Variants in SLIT3 observed in about 807,000 individuals in gnomAD.
The protein encoded by SLIT3 is slit guidance ligand 3, also known as slit homolog 3 protein.
SLIT3 carries 68 observed loss-of-function variants against 184.0 expected under a neutral mutation model. The ratio of observed to expected loss-of-function variants is 0.37; its 90% confidence interval spans 0.30 to 0.45. The LOEUF (loss-of-function observed/expected upper bound fraction) is 0.45. SLIT3 is among the 20% of genes least tolerant of loss of function. The pLI, the probability that SLIT3 is intolerant of heterozygous loss-of-function variation, is 1.00. For missense variants in SLIT3, 1,707 were observed against 2,026.0 expected, an observed-to-expected ratio of 0.84 and a Z score of 3.02; for synonymous variants, 831 against 828.6, an observed-to-expected ratio of 1.00 and a Z score of -0.05.
intron 12 of SLIT3, 87 bp downstream of exon 12, chr5:168,785,820 G>T (rs1170670437): frequency 2.1e-6 from 2 of 936,668 alleles, no homozygotes; most frequent in Non-Finnish European, 3.4e-6. Flanking sequence ...AAAGTCAAAA[G>T]AACTCTCCAG....
In SLIT3 at chr5:168,673,347, G is replaced by A; in HGVS notation, c.3687-16C>T. The A allele has an allele frequency of 2.5e-6, 4 of 1,613,758 alleles. No homozygotes were observed. Among genetic ancestry groups the A allele is most frequent in the Non-Finnish European group, 3.4e-6 (4 of 1,179,690 alleles). ...TGTCTCCACACTGGCCAGTAGAGAA[G>A]GGGAGAAAGCCGGAGAGTTCACTAA... On this transcript the variant is annotated splice_polypyrimidine_tract_variant and intron_variant, in intron 32 of 35. Transcript: ENST00000519560.
At chr5:168,883,446 G>C in intron 4 of SLIT3, 110 bp from the exon 5 acceptor site, 1 of 800,916 alleles carries the variant, frequency 1.2e-6, no homozygotes, top group East Asian at 2.6e-5. Flanking sequence ...TCTGCGGTCA[G>C]AGTGTATGGC....
chr5:168,800,258 T>C (rs1012886541), intron 9 of SLIT3, among the ~76,000 whole-genome samples: 4 of 152,212 alleles, frequency 2.6e-5, no homozygotes, highest in African/African-American at 9.7e-5. Flanking sequence ...GGCCTCTCTC[T>C]TTCTTTACCA....
At chr5:168,781,612 G>C (rs767195613) in intron 12 of SLIT3, among the ~76,000 whole-genome samples, 11 of 152,128 alleles carry the variant, frequency 7.2e-5, no homozygotes, top group Non-Finnish European at 1.5e-4. Context: ...ACATTAGTGG[G>C]CTGAAGACAA....
chr5:169,033,452 G>C (rs2113530312), intron 4 of SLIT3, among the ~76,000 whole-genome samples: 1 of 152,160 alleles, frequency 6.6e-6, no homozygotes, highest in East Asian at 1.9e-4. Flanking sequence ...CTTTGGGTAT[G>C]TGCCCAGAAG....
chr5:169,214,788 A>G (rs1333375386), intron 3 of SLIT3, among the ~76,000 whole-genome samples: 2 of 152,218 alleles, frequency 1.3e-5, no homozygotes, highest in Non-Finnish European at 1.5e-5. Context: ...CCTGGTCCCC[A>G]TCTCAGAGAA....
At chr5:169,238,620 C>T (rs1765284475) in intron 3 of SLIT3, among the ~76,000 whole-genome samples, 2 of 147,512 alleles carry the variant, frequency 1.4e-5, no homozygotes, top group South Asian at 4.3e-4. Flanking sequence ...AAAACATGGC[C>T]TTGTATTTTC....
At chr5:169,236,832 T>A (rs562765648) in intron 3 of SLIT3, among the ~76,000 whole-genome samples, 2 of 152,226 alleles carry the variant, frequency 1.3e-5, no homozygotes, top group Non-Finnish European at 2.9e-5. Context: ...AATATTTCTA[T>A]GTATATATTC....
chr5:168,777,019 G>GT (rs1408648841), intron 12 of SLIT3, among the ~76,000 whole-genome samples: 9 of 151,592 alleles, frequency 5.9e-5, no homozygotes, highest in African/African-American at 9.7e-5. Context: ...ACATATATGT[G>GT]TTTTTTCAAT....
intron 4 of SLIT3, among the ~76,000 whole-genome samples, chr5:169,100,447 A>G (rs1323456757): frequency 1.3e-5 from 2 of 152,214 alleles, no homozygotes; most frequent in African/African-American, 4.8e-5. Context: ...GCACAAAGGC[A>G]AGAGTGGAAG....
intron 23 of SLIT3, among the ~76,000 whole-genome samples, chr5:168,713,239 G>C (rs550037035): frequency 6.6e-6 from 1 of 152,154 alleles, no homozygotes; most frequent in Admixed American, 6.5e-5. Flanking sequence ...GGAGGGGCCG[G>C]GCACCCCACT....
At chr5:169,251,054 A>C (rs962883004) in intron 2 of SLIT3, among the ~76,000 whole-genome samples, 2 of 152,210 alleles carry the variant, frequency 1.3e-5, no homozygotes, top group Non-Finnish European at 2.9e-5. Context: ...CTGGAGAAGA[A>C]ATTATCATCT....
intron 3 of SLIT3, among the ~76,000 whole-genome samples, chr5:169,210,538 G>C (rs1435327085): frequency 6.6e-6 from 1 of 152,162 alleles, no homozygotes; most frequent in Non-Finnish European, 1.5e-5. Context: ...TCAGCAGCTG[G>C]TCACTGAAGT....
At chr5:168,689,749 C>T (rs1343270983) in intron 29 of SLIT3, among the ~76,000 whole-genome samples, 4 of 152,148 alleles carry the variant, frequency 2.6e-5, no homozygotes, top group Non-Finnish European at 5.9e-5. Flanking sequence ...CAAACGTCAC[C>T]CTGACTGTGT....
chr5:169,073,140 G>A (rs1033071943), intron 4 of SLIT3, among the ~76,000 whole-genome samples: 15 of 152,078 alleles, frequency 9.9e-5, no homozygotes, highest in African/African-American at 1.7e-4. Context: ...TTCATACACC[G>A]CCACCTCTCT....
intron 3 of SLIT3, among the ~76,000 whole-genome samples, chr5:169,193,862 G>A (rs1763651865): frequency 6.6e-6 from 1 of 152,170 alleles, no homozygotes; most frequent in Non-Finnish European, 1.5e-5. Context: ...CTCCAGACAA[G>A]ACTTTTGAAC....
chr5:169,060,200 G>A (rs1758133623), intron 4 of SLIT3, among the ~76,000 whole-genome samples: 1 of 152,210 alleles, frequency 6.6e-6, no homozygotes, highest in African/African-American at 2.4e-5. Flanking sequence ...GACCAGCTTG[G>A]TCAACACGGT....
chr5:168,703,619 A>T (rs1762284654), intron 26 of SLIT3, among the ~76,000 whole-genome samples: 1 of 151,988 alleles, frequency 6.6e-6, no homozygotes, highest in Non-Finnish European at 1.5e-5. Flanking sequence ...TCTTCCATGA[A>T]ACTGGTCCCT....
intron 4 of SLIT3, among the ~76,000 whole-genome samples, chr5:169,183,985 G>A (rs1326916558): frequency 6.6e-6 from 1 of 152,150 alleles, no homozygotes; most frequent in Non-Finnish European, 1.5e-5. Flanking sequence ...TACAAGTATT[G>A]CCCGATCACT....
Sources: allele counts gnomAD v4.1 joint callset (sites outside exome capture counted in the v4.1 genomes callset), GRCh38; gene constraint gnomAD v4.1.1; transcripts MANE v1.5; gene names NCBI Gene and HGNC (gene_info 2026-07-23, HGNC 2026-07-21).